RBM24: variants seen among roughly 807,000 people sequenced by gnomAD.
The protein encoded by RBM24 is RNA-binding protein 24.
Under a neutral mutation model 23.6 loss-of-function variants are expected in RBM24, and 5 were observed. The observed-to-expected ratio is 0.21, with a 90% CI of 0.11 to 0.45. The LOEUF (loss-of-function observed/expected upper bound fraction) is 0.45. RBM24 is among the 20% of genes least tolerant of loss of function. The pLI is 0.99. For missense variants in RBM24, 252 were observed against 314.6 expected, an observed-to-expected ratio of 0.80 and a Z score of 1.51; for synonymous variants, 151 against 129.5, an observed-to-expected ratio of 1.17 and a Z score of -1.13.
rs894372942 is a variant in RBM24 at position 17,282,513 on chromosome 6, TC to T, written c.169-291del. 1.8e-5 allele frequency: 9 copies of T among 492,670 alleles called. No individual in the cohort carries two copies. In the Admixed American group the frequency reaches 2.4e-4, roughly 13 times the overall value. 30.5% of individuals were successfully genotyped at this position (492,670 alleles called of 1,614,324 possible). ...AGTTCCAAGAATTTAGGCTTCCAAATCTCGGCTAGGCCCTACTAACACCCTT... is the reference window on the plus strand; with the variant it reads ...AGTTCCAAGAATTTAGGCTTCCAAATTCGGCTAGGCCCTACTAACACCCTT... On this transcript the variant is annotated intron_variant, in intron 1 of 3. Transcript: ENST00000379052.
intron 3 of RBM24, among the ~76,000 whole-genome samples, chr6:17,286,222 T>C (rs1760193793): frequency 6.7e-6 from 1 of 149,856 alleles, no homozygotes; most frequent in East Asian, 2.0e-4. Context: ...TGGAAGAGTC[T>C]TCTGTTCAAT....
At chr6:17,289,126 G>T in intron 3 of RBM24, 1 of 985,370 alleles carries the variant, frequency 1.0e-6, no homozygotes, top group Non-Finnish European at 1.2e-6. Context: ...TAACTGCTAG[G>T]CATGCACGTT....
chr6:17,284,507 A>T, intron 2 of RBM24, 150 bp from the exon 3 acceptor site: 2 of 501,838 alleles, frequency 4.0e-6, no homozygotes, highest in South Asian at 5.0e-5. Context: ...TATAAAACTG[A>T]CTTTAAAAAA....
chr6:17,289,951 G>A (rs1760305086), intron 3 of RBM24: 6 of 1,287,218 alleles, frequency 4.7e-6, no homozygotes, highest in Non-Finnish European at 6.1e-6. Context: ...GCAAAGTTCT[G>A]AGTGTGTGCA....
chr6:17,290,727 C>T (rs1760332988), intron 3 of RBM24: 4 of 589,072 alleles, frequency 6.8e-6, no homozygotes, highest in Non-Finnish European at 8.0e-6. Flanking sequence ...AAAAAAGTTT[C>T]CTTGTTATGT....
In RBM24 at chr6:17,284,720, A is replaced by G; in HGVS notation, c.347+9A>G. On this transcript the variant is annotated intron_variant, in intron 3 of 3. Transcript: ENST00000379052. ...ATACAAAGACCTTTCGGGTAAGTTG[A>G]TTAATCAGGCTTTCTTAAGTTTCAG... is the stretch of plus-strand genomic sequence containing the variant. 6.2e-7 allele frequency: 1 copy of G among 1,608,002 alleles called. No homozygotes were observed.
At chr6:17,290,139 T>C in intron 3 of RBM24, 2 of 1,249,678 alleles carry the variant, frequency 1.6e-6, no homozygotes, top group Non-Finnish European at 1.0e-6. Flanking sequence ...ATCTTTTCCA[T>C]GGATGTTCGT....
In RBM24 at chr6:17,291,930, C is replaced by T; in HGVS notation, c.522C>T (p.Asp174=). ...CTGCCGCCGCCGCTGCTGCCTATGA[C>T]CAGTACCCCTATGCAGCCTCTCCAG... ...AAAAAAAAAY[D]QYPYAASPAA... The change falls in exon 4 of 4, where the codon GAC becomes GAT. Residue 174 remains aspartate, a synonymous_variant. Coordinates refer to ENST00000379052, the MANE Select transcript of RBM24 (RefSeq NM_001143942.2). 1 of 1,613,162 alleles carries T rather than the reference C, an allele frequency of 6.2e-7. No homozygotes were observed. Among genetic ancestry groups the T allele is most frequent in the Non-Finnish European group, 8.5e-7 (1 of 1,179,812 alleles).
chr6:17,292,323 A>G lies in RBM24; in HGVS notation c.*204A>G, dbSNP rs1581439019. 7.5e-6 allele frequency: 3 copies of G among 399,040 alleles called. No homozygotes were observed. The highest frequency in any genetic ancestry group is 4.0e-5 in the East Asian group (1 of 24,948). The allele number at this position is 399,040 out of a possible 1,614,324, so 24.7% of individuals were successfully genotyped here. A position where few individuals can be genotyped will look rare whatever the true frequency, so the allele number is the denominator to read the frequency against. ...GGTAAGAATGAGGGGAATGGGCACA[A>G]TTTTGGAAATCAATCCCAAAGAGCC... On this transcript the variant is annotated 3_prime_UTR_variant, in exon 4 of 4. Transcript: ENST00000379052.
chr6:17,290,304 T>C (rs1772122), intron 3 of RBM24, among the ~76,000 whole-genome samples: 69,417 of 152,124 alleles, frequency 0.46, 16,162 homozygotes, highest in East Asian at 0.54. Context: ...AGCAACCACG[T>C]AGTATTATAG....
chr6:17,286,392 T>C (rs1055081661), intron 3 of RBM24, among the ~76,000 whole-genome samples: 1 of 152,132 alleles, frequency 6.6e-6, no homozygotes, highest in Non-Finnish European at 1.5e-5. Context: ...GAGGAGAGCA[T>C]ATATCTGAAG....
intron 3 of RBM24, among the ~76,000 whole-genome samples, chr6:17,290,532 C>G (rs1760327332): frequency 6.6e-6 from 1 of 152,076 alleles, no homozygotes; most frequent in African/African-American, 2.4e-5. Flanking sequence ...CTTGTATTAT[C>G]TGTGAATGTA....
intron 3 of RBM24, among the ~76,000 whole-genome samples, chr6:17,286,758 A>AGGGT (rs1259794641): frequency 2.6e-5 from 4 of 152,096 alleles, no homozygotes; most frequent in Admixed American, 6.6e-5. Context: ...ATATGTCTGG[A>AGGGT]GGGTATAGGA....
At chr6:17,285,894 AAC>A (rs1760180285) in intron 3 of RBM24, among the ~76,000 whole-genome samples, 1 of 152,184 alleles carries the variant, frequency 6.6e-6, no homozygotes, top group Admixed American at 6.5e-5. Flanking sequence ...ACATGCCTGT[AAC>A]TCTAACGCAG....
chr6:17,290,011 C>T, intron 3 of RBM24: 4 of 1,289,250 alleles, frequency 3.1e-6, no homozygotes, highest in Non-Finnish European at 3.0e-6. Flanking sequence ...CTCTGAGTGT[C>T]CTCAGAAACA....
At chr6:17,289,813 A>T (rs1300920343) in intron 3 of RBM24, 1 of 1,077,330 alleles carries the variant, frequency 9.3e-7, no homozygotes, top group African/African-American at 1.7e-5. Flanking sequence ...GTCCATCACC[A>T]CATGTAAACT....
intron 3 of RBM24, 87 bp from the exon 4 acceptor site, chr6:17,291,669 A>G (rs940018460): frequency 1.6e-5 from 23 of 1,410,594 alleles, no homozygotes; most frequent in Non-Finnish European, 2.2e-5. Flanking sequence ...CATAATAACC[A>G]CTAAATTTGA....
chr6:17,289,318 T>G (rs183674463), intron 3 of RBM24: 14 of 985,264 alleles, frequency 1.4e-5, no homozygotes, highest in African/African-American at 3.5e-5. Flanking sequence ...CTCTCCAAGG[T>G]CTTTCGGGTT....
At position 17,287,726 on chromosome 6, in the gene RBM24, G is replaced by A. The variant is rs372969137; in HGVS notation, c.347+3015G>A. The stretch of plus-strand genomic sequence containing the variant: ...CGGGAGGCTGAGGCAGGAGAATGGC[G>A]TGAACCCAGAAGGCGGAGCTTGCAG... On this transcript the variant is annotated intron_variant, in intron 3 of 3. Transcript: ENST00000379052. 6.2e-3 allele frequency among the ~76,000 whole-genome samples: 936 copies of A among 152,006 alleles called. 12 individuals are homozygous for A. Among genetic ancestry groups the A allele is most frequent in the African/African-American group, 0.021 (890 of 41,434 alleles).
Sources: allele counts gnomAD v4.1 joint callset (sites outside exome capture counted in the v4.1 genomes callset), GRCh38; gene constraint gnomAD v4.1.1; transcripts MANE v1.5; gene names NCBI Gene and HGNC (gene_info 2026-07-23, HGNC 2026-07-21).